Variants in EXT2 observed in about 807,000 individuals in gnomAD.
EXT2 encodes exostosin glycosyltransferase 2, also known as exostosin-2.
In EXT2, 53 loss-of-function variants were observed where a neutral mutation model predicts 81.6. The observed-to-expected ratio is 0.65, with a 90% CI of 0.52 to 0.82. The LOEUF is 0.82. Ranked by LOEUF, EXT2 falls within the 40% of genes least tolerant of loss-of-function variation. The pLI is 0.00. For missense variants in EXT2, 774 were observed against 910.2 expected (o/e 0.85, Z 1.93); for synonymous variants, 320 against 340.0 (o/e 0.94, Z 0.65).
intron 7 of EXT2, among the ~76,000 whole-genome samples, chr11:44,149,884 TTGAG>T (rs1447805973): frequency 6.6e-6 from 1 of 152,214 alleles, no homozygotes; most frequent in African/African-American, 2.4e-5. Context: ...TTTCTAACCT[TTGAG>T]TGACTCATAG....
At chr11:44,204,377 GTGTT>G (rs1253033475) in intron 9 of EXT2, among the ~76,000 whole-genome samples, 1 of 151,996 alleles carries the variant, frequency 6.6e-6, no homozygotes, top group African/African-American at 2.4e-5. Flanking sequence ...AATAGACAAT[GTGTT>G]TGTGTGTGTG....
rs1172949984 is a variant in EXT2, at chr11:44,119,130, A to T, written c.743+4829A>T. Among the ~76,000 whole-genome samples the T allele has an allele frequency of 7.4e-4, 17 of 23,036 alleles. 1 individual carries two copies. The South Asian group carries it at 9.7e-3, about 13-fold the overall frequency. 15.1% of individuals were successfully genotyped at this position (23,036 alleles called of 152,430 possible). ...CCAGGGGACATTTGGCTATTTATATATATATATATATATATATATATATAT... is the reference window on the plus strand; with the variant it reads ...CCAGGGGACATTTGGCTATTTATATTTATATATATATATATATATATATAT... On this transcript the variant is annotated intron_variant, in intron 4 of 13. Coordinates refer to ENST00000533608, the MANE Select transcript of EXT2 (RefSeq NM_207122.2).
At chr11:44,200,948 C>A (rs369304289) in intron 9 of EXT2, among the ~76,000 whole-genome samples, 48 of 152,304 alleles carry the variant, frequency 3.2e-4, no homozygotes, top group Non-Finnish European at 5.7e-4. Context: ...ATCCTTAACA[C>A]AAGGAGTTCT....
At chr11:44,148,628 G>A (rs1322961720) in intron 7 of EXT2, among the ~76,000 whole-genome samples, 4 of 152,102 alleles carry the variant, frequency 2.6e-5, no homozygotes, top group Non-Finnish European at 5.9e-5. Context: ...ATTAATACAG[G>A]TAAAATACTT....
At chr11:44,106,589 A>C (rs1237143989) in intron 1 of EXT2, among the ~76,000 whole-genome samples, 1 of 152,014 alleles carries the variant, frequency 6.6e-6, no homozygotes, top group Admixed American at 6.6e-5. Flanking sequence ...ACAGTACATG[A>C]TGGGTGCTCA....
At chr11:44,124,754 G>A (rs765458170) in intron 4 of EXT2, 35 bp from the exon 5 acceptor site, 14 of 1,599,340 alleles carry the variant, frequency 8.8e-6, no homozygotes, top group Admixed American at 5.0e-5. Context: ...CATACCAGCT[G>A]CAATTTTCCA....
chr11:44,156,768 T>C (rs1954861192), intron 7 of EXT2, among the ~76,000 whole-genome samples: 1 of 152,244 alleles, frequency 6.6e-6, no homozygotes, highest in Non-Finnish European at 1.5e-5. Context: ...CTGAATGTTC[T>C]TGATGCTTGT....
intron 4 of EXT2, among the ~76,000 whole-genome samples, chr11:44,114,633 G>A (rs987979120): frequency 4.6e-5 from 7 of 152,056 alleles, no homozygotes; most frequent in Non-Finnish European, 8.8e-5. Flanking sequence ...TCTGCTCCCC[G>A]AATCCTCCTC....
At chr11:44,108,356 G>T (rs556566410) in intron 2 of EXT2, 108 bp downstream of exon 2, 1 of 1,212,632 alleles carries the variant, frequency 8.2e-7, no homozygotes, top group South Asian at 1.3e-5. Context: ...TTGGTTTCCC[G>T]ATGCTGTCTT....
At chr11:44,154,593 T>C (rs114665831) in intron 7 of EXT2, among the ~76,000 whole-genome samples, 2,698 of 152,292 alleles carry the variant, frequency 0.018, 86 homozygotes, top group African/African-American at 0.061. Context: ...AGTGCTATTA[T>C]AAGCATGGGA....
At chr11:44,117,114 C>A (rs1044924956) in intron 4 of EXT2, among the ~76,000 whole-genome samples, 4 of 151,986 alleles carry the variant, frequency 2.6e-5, no homozygotes, top group Non-Finnish European at 4.4e-5. Flanking sequence ...GGATTACAGG[C>A]GTGTGCCACC....
At position 44,222,066 on chromosome 11, in the gene EXT2, C is replaced by T. The variant is rs556651310; in HGVS notation, c.1663-10287C>T. On this transcript the variant is annotated intron_variant, in intron 10 of 13. Coordinates refer to ENST00000533608, the MANE Select transcript of EXT2 (RefSeq NM_207122.2). ...ATTTCTTGGTGCATGAAAATTGGTTCCTAGGGTTCACATTAATCATGATGA... is the reference window on the plus strand; with the variant it reads ...ATTTCTTGGTGCATGAAAATTGGTTTCTAGGGTTCACATTAATCATGATGA... Among the ~76,000 whole-genome samples the T allele has an allele frequency of 8.5e-5, 13 of 152,238 alleles. No homozygotes were observed. In the South Asian group the frequency reaches 2.7e-3, roughly 32 times the overall value.
intron 13 of EXT2, among the ~76,000 whole-genome samples, chr11:44,243,803 AG>A (rs1457611896): frequency 6.6e-6 from 1 of 151,730 alleles, no homozygotes; most frequent in African/African-American, 2.4e-5. Context: ...CCTTGGTTTG[AG>A]GCCCTCTCAC....
chr11:44,119,169 TACAC>T (rs1555004305), intron 4 of EXT2, among the ~76,000 whole-genome samples: 5 of 63,150 alleles, frequency 7.9e-5, no homozygotes, highest in East Asian at 1.1e-3. Flanking sequence ...TATATATATA[TACAC>T]ATACACACAC....
rs145095567 is a variant in EXT2 at position 44,097,578 on chromosome 11, C to T, written c.-31+1726C>T. 5.3e-3 allele frequency among the ~76,000 whole-genome samples: 801 copies of T among 151,952 alleles called. 11 individuals are homozygous for T. Among genetic ancestry groups the T allele is most frequent in the East Asian group, 0.043 (223 of 5,178 alleles). On this transcript the variant is annotated intron_variant, in intron 1 of 13. Coordinates refer to ENST00000533608, the MANE Select transcript of EXT2 (RefSeq NM_207122.2). ...GCCGAGGTGGGTGGATCACTTGAGGCCAGGAGTTCAAGACCAGCTGGCCAA... is the reference window on the plus strand; with the variant it reads ...GCCGAGGTGGGTGGATCACTTGAGGTCAGGAGTTCAAGACCAGCTGGCCAA...
chr11:44,202,492 T>C (rs1023585806), intron 9 of EXT2, among the ~76,000 whole-genome samples: 2 of 152,200 alleles, frequency 1.3e-5, no homozygotes, highest in African/African-American at 4.8e-5. Flanking sequence ...TGTGAGAGTT[T>C]AGAGGATTCA....
At chr11:44,208,030 G>A (rs2135207774) in intron 10 of EXT2, among the ~76,000 whole-genome samples, 1 of 152,038 alleles carries the variant, frequency 6.6e-6, no homozygotes, top group African/African-American at 2.4e-5. Context: ...AGGCATGAGA[G>A]TAGCTAATAA....
At chr11:44,172,677 A>G (rs935013197) in intron 8 of EXT2, among the ~76,000 whole-genome samples, 18 of 147,514 alleles carry the variant, frequency 1.2e-4, no homozygotes, top group Admixed American at 6.2e-4. Context: ...TCCGCCTCCC[A>G]GGTTCAAGTG....
At chr11:44,113,588 A>T (rs570808726) in intron 3 of EXT2, among the ~76,000 whole-genome samples, 3 of 152,206 alleles carry the variant, frequency 2.0e-5, no homozygotes, top group Non-Finnish European at 4.4e-5. Context: ...TTGGGTTAAT[A>T]AGACTAAGTA....
Sources: gnomAD v4.1 joint callset for allele counts (sites outside exome capture counted in the v4.1 genomes callset) on GRCh38, gnomAD v4.1.1 for gene constraint, MANE v1.5 for transcripts, NCBI Gene and HGNC (gene_info 2026-07-23, HGNC 2026-07-21) for gene names.